The following TEX11 variants were observed in gnomAD, a reference collection of about 807,000 sequenced individuals.
TEX11 encodes the protein testis expressed 11.
TEX11 carries 7 observed loss-of-function variants against 84.4 expected under a neutral mutation model. That is an observed-to-expected ratio of 0.08 (90% confidence interval 0.05 to 0.16). The LOEUF is 0.16. Ranked by LOEUF, TEX11 falls within the 10% of genes least tolerant of loss-of-function variation. The pLI, the probability that TEX11 is intolerant of heterozygous loss-of-function variation, is 1.00. For synonymous variants in TEX11, 264 were observed against 222.8 expected (o/e 1.18, Z -1.64); for missense variants, 551 against 660.5 (o/e 0.83, Z 1.82).
chrX:70,794,833 G>A (rs1436297621), intron 9 of TEX11, among the ~76,000 whole-genome samples: 1 of 109,497 alleles, frequency 9.1e-6, no homozygotes, highest in Non-Finnish European at 1.9e-5. Context: ...GCCAAGTAGT[G>A]CATACCATAG....
chrX:70,788,589 G>T (rs772234051), intron 9 of TEX11, among the ~76,000 whole-genome samples: 3 of 106,885 alleles, frequency 2.8e-5, no homozygotes, highest in Admixed American at 1.0e-4. Flanking sequence ...CTTTTAACAG[G>T]GTCAGCATTA....
At chrX:70,888,397 A>C (rs4617319) in intron 2 of TEX11, among the ~76,000 whole-genome samples, 31,565 of 111,683 alleles carry the variant, frequency 0.28, 3,650 homozygotes, top group Middle Eastern at 0.48. Context: ...TAAATTAATC[A>C]AACAGAAATT....
chrX:70,724,022 A>G, intron 12 of TEX11: 1 of 711,876 alleles, frequency 1.4e-6, no homozygotes, highest in Non-Finnish European at 1.7e-6. Flanking sequence ...GAGTTAAGTA[A>G]AAGCAATCTG....
At chrX:70,750,927 A>ATATATATATATAT (rs1556039261) in intron 9 of TEX11, among the ~76,000 whole-genome samples, 1 of 25,799 alleles carries the variant, frequency 3.9e-5, no homozygotes, top group African/African-American at 9.5e-5. Context: ...ATAATAAAAA[A>ATATATATATATAT]AAAAAAATAT....
intron 4 of TEX11, among the ~76,000 whole-genome samples, chrX:70,868,922 G>A (rs984581840): frequency 3.7e-5 from 4 of 108,975 alleles, no homozygotes; most frequent in African/African-American, 1.3e-4. Flanking sequence ...CATACCTAAT[G>A]CATGCGGGGC....
chrX:70,514,917 T>A, the TEX11 span, among the ~76,000 whole-genome samples: 10 of 108,215 alleles, frequency 9.2e-5, no homozygotes, highest in Non-Finnish European at 1.7e-4. Flanking sequence ...AAAATACAAA[T>A]ATTAGCTGGG....
intron 25 of TEX11, among the ~76,000 whole-genome samples, chrX:70,576,271 ATTCACTGGC>A (rs1241829343): frequency 8.9e-6 from 1 of 111,849 alleles, no homozygotes; most frequent in Non-Finnish European, 1.9e-5. Flanking sequence ...AGAATTTATG[ATTCACTGGC>A]TTTGTACTTT....
intron 15 of TEX11, among the ~76,000 whole-genome samples, chrX:70,677,060 TAGGTTGC>T (rs1486468404): frequency 1.8e-5 from 2 of 112,349 alleles, no homozygotes; most frequent in Non-Finnish European, 3.8e-5. Flanking sequence ...CTCCTCATTA[TAGGTTGC>T]ATTTTCATGC....
chrX:70,615,645 G>A (rs1206653260), intron 20 of TEX11, among the ~76,000 whole-genome samples: 1 of 111,692 alleles, frequency 9.0e-6, no homozygotes, highest in Non-Finnish European at 1.9e-5. Flanking sequence ...GAAAACTAGA[G>A]AAATCTAGAG....
intron 9 of TEX11, among the ~76,000 whole-genome samples, chrX:70,745,905 A>C (rs1198076397): frequency 1.8e-5 from 2 of 111,025 alleles, no homozygotes; most frequent in Non-Finnish European, 3.8e-5. Context: ...TTAAATAACC[A>C]GTGAGGGGTG....
At chrX:70,666,009 T>C (rs2089972808) in intron 16 of TEX11, among the ~76,000 whole-genome samples, 1 of 111,956 alleles carries the variant, frequency 8.9e-6, no homozygotes, top group Non-Finnish European at 1.9e-5. Flanking sequence ...ATTGAGTCTT[T>C]ATAACTATTT....
chrX:70,859,052 T>A (rs1477190222), intron 5 of TEX11, among the ~76,000 whole-genome samples: 1 of 108,876 alleles, frequency 9.2e-6, no homozygotes, highest in Non-Finnish European at 1.9e-5. Context: ...AAATAAAAAA[T>A]AATAAAAATA....
intron 17 of TEX11, among the ~76,000 whole-genome samples, chrX:70,630,244 G>A (rs1276070878): frequency 1.9e-5 from 2 of 107,305 alleles, no homozygotes; most frequent in African/African-American, 6.8e-5. Flanking sequence ...CCCGGGAGGC[G>A]GAGCTTGCAG....
intron 4 of TEX11, among the ~76,000 whole-genome samples, chrX:70,866,768 C>T (rs1389671739): frequency 2.7e-5 from 3 of 112,007 alleles, no homozygotes; most frequent in Non-Finnish European, 5.6e-5. Context: ...CGTAATCCGT[C>T]GCATAAACAG....
chrX:70,750,930 AAAAATATAT>A (rs1215027000), intron 9 of TEX11, among the ~76,000 whole-genome samples: 2 of 36,970 alleles, frequency 5.4e-5, no homozygotes, highest in East Asian at 1.6e-3. Flanking sequence ...ATAAAAAAAA[AAAAATATAT>A]ATATATATAT....
chrX:70,662,052 C>T (rs1359392836), intron 16 of TEX11, among the ~76,000 whole-genome samples: 5 of 111,708 alleles, frequency 4.5e-5, no homozygotes, highest in African/African-American at 9.8e-5. Flanking sequence ...AGGCTTCAGA[C>T]GATCAAACTA....
intron 8 of TEX11, among the ~76,000 whole-genome samples, chrX:70,815,534 A>G (rs1169173044): frequency 8.9e-6 from 1 of 112,032 alleles, no homozygotes; most frequent in African/African-American, 3.2e-5. Flanking sequence ...ATTTTATTAT[A>G]GGATATTGTT....
At chrX:70,726,791 A>T (rs2090602961) in intron 11 of TEX11, among the ~76,000 whole-genome samples, 2 of 108,917 alleles carry the variant, frequency 1.8e-5, no homozygotes, top group African/African-American at 6.7e-5. Context: ...TCAGCCTCCC[A>T]AAGTGCAGGG....
chrX:70,682,666 C>G lies in TEX11; in HGVS notation c.1156+8G>C. 8.3e-7 allele frequency: 1 copy of G among 1,206,598 alleles called. No individual in the cohort carries two copies. The highest frequency in any genetic ancestry group is 1.1e-6 in the Non-Finnish European group (1 of 893,510). On this transcript the variant is annotated splice_region_variant and intron_variant, in intron 14 of 29. Coordinates refer to ENST00000374333, the MANE Select transcript of TEX11 (RefSeq NM_031276.3). The stretch of plus-strand genomic sequence containing the variant: ...CGTTTCTAAAACACTTGCGAAAATC[C>G]TACTGACCTAAAAAGATTTCTTCAA...
Sources: gnomAD v4.1 joint callset for allele counts (sites outside exome capture counted in the v4.1 genomes callset) on GRCh38, gnomAD v4.1.1 for gene constraint, MANE v1.5 for transcripts, NCBI Gene and HGNC (gene_info 2026-07-23, HGNC 2026-07-21) for gene names.